The following TBCK variants were observed in gnomAD, a reference collection of about 807,000 sequenced individuals.
TBCK encodes the protein TBC1 domain containing kinase, also known as TBC domain-containing protein kinase-like protein.
A neutral mutation model predicts 113.4 loss-of-function variants in TBCK; 99 were observed. The observed-to-expected ratio is 0.87, with a 90% CI of 0.74 to 1.03. The LOEUF (loss-of-function observed/expected upper bound fraction) is 1.03, where lower values mean the gene tolerates loss of function less well. TBCK is among the 50% of genes least tolerant of loss of function. The probability of loss-of-function intolerance (pLI) is 0.00; values close to 1 mark genes in which losing one functional copy is unlikely to be tolerated. For missense variants in TBCK, 1,045 were observed against 1,061.3 expected (o/e 0.98, Z 0.21); for synonymous variants, 369 against 370.8 (o/e 1.00, Z 0.05).
rs11942161 is a variant in TBCK, at chr4:106,252,188, A to T, written c.456-181T>A. Among the ~76,000 whole-genome samples the T allele has an allele frequency of 1, 152,082 of 152,086 alleles. 76,039 individuals carry two copies. Among genetic ancestry groups the T allele is most frequent in the Non-Finnish European group, 1 (67,892 of 67,892 alleles). On this transcript the variant is annotated intron_variant, in intron 5 of 25. Transcript: ENST00000394708. ...AACTTTAATGTCAAGGAATCAAGAG[A>T]AAATATACACAAGTCTGAAATAGTT... is the stretch of plus-strand genomic sequence containing the variant.
rs1762569296 is a variant in TBCK, at chr4:106,262,168, A to C, written c.311T>G (p.Leu104Trp). 1 of 1,548,584 alleles carries C rather than the reference A, an allele frequency of 6.5e-7. No homozygotes were observed. Among genetic ancestry groups the C allele is most frequent in the South Asian group, 1.2e-5 (1 of 83,840 alleles). ...TATACCATGTTTGTTCATATACTGCAAGCCCTGAAGAACCTCAAATGCTAT... is the reference window on the plus strand; with the variant it reads ...TATACCATGTTTGTTCATATACTGCCAGCCCTGAAGAACCTCAAATGCTAT... ...LCIAFEVLQGLQYMNKHGIVH... is the reference protein window; with the variant it reads ...LCIAFEVLQGWQYMNKHGIVH... Residue 104 changes from leucine to tryptophan, a missense_variant, in exon 4 of 26, where the codon TTG becomes TGG. Physicochemically the swap from Leu to Trp is moderately conservative, Grantham distance 61. Transcript: ENST00000394708.
At chr4:106,148,828 A>T (rs910261675) in intron 23 of TBCK, among the ~76,000 whole-genome samples, 4 of 152,148 alleles carry the variant, frequency 2.6e-5, no homozygotes, top group African/African-American at 9.7e-5. Flanking sequence ...GAGTCAGCCT[A>T]TCTTTTGAAG....
intron 25 of TBCK, among the ~76,000 whole-genome samples, chr4:106,057,051 C>T (rs2149453984): frequency 6.6e-6 from 1 of 151,848 alleles, no homozygotes; most frequent in East Asian, 1.9e-4. Flanking sequence ...TGACCAGGTG[C>T]CTTGAATCAC....
Position 106,046,653 on chromosome 4 carries a change from A to G in TBCK, c.2599T>C (p.Tyr867His), listed in dbSNP as rs1168638718. The G allele has an allele frequency of 6.2e-7, 1 of 1,611,804 alleles. No individual in the cohort carries two copies. The highest frequency in any genetic ancestry group is 8.5e-7 in the Non-Finnish European group (1 of 1,178,496). ...CCATCTAGAATACAGATTCTTGGATATTTCATCTTCACAAGGTGAGCTGCA... is the reference window on the plus strand; with the variant it reads ...CCATCTAGAATACAGATTCTTGGATGTTTCATCTTCACAAGGTGAGCTGCA... ...EFAAHLVKMK[Y>H]PRICILDGGI... The change falls in exon 26 of 26, where the codon TAT becomes CAT. Residue 867 changes from tyrosine to histidine, a missense_variant. Transcript: ENST00000394708.
chr4:106,189,566 A>C (rs1187736054), intron 22 of TBCK, among the ~76,000 whole-genome samples: 2 of 152,096 alleles, frequency 1.3e-5, no homozygotes, highest in African/African-American at 4.8e-5. Flanking sequence ...CAGGGAGAAA[A>C]AATGATGGAT....
chr4:106,289,106 T>C (rs1170821157), intron 3 of TBCK, among the ~76,000 whole-genome samples: 1 of 152,238 alleles, frequency 6.6e-6, no homozygotes, highest in Non-Finnish European at 1.5e-5. Context: ...CTCCTGTCCA[T>C]GGACATTTGA....
intron 25 of TBCK, among the ~76,000 whole-genome samples, chr4:106,082,774 T>C (rs550653217): frequency 6.6e-6 from 1 of 152,192 alleles, no homozygotes; most frequent in African/African-American, 2.4e-5. Flanking sequence ...ATCCAGGTTC[T>C]CTCATCAAAA....
chr4:106,166,445 G>A (rs570909796), intron 23 of TBCK, among the ~76,000 whole-genome samples: 9 of 151,660 alleles, frequency 5.9e-5, no homozygotes, highest in Non-Finnish European at 1.2e-4. Context: ...GCAGACAGGA[G>A]AAATAAATAA....
rs1255772255 is a variant in TBCK, at chr4:106,258,846, A to C, written c.455+1591T>G. Among the ~76,000 whole-genome samples, 4 of 151,938 alleles carry C rather than the reference A, an allele frequency of 2.6e-5. No individual in the cohort carries two copies. In the East Asian group the frequency reaches 7.7e-4, roughly 29 times the overall value. ...ACTTATATTCAACTATAAGTTGAAT[A>C]AAAAACCCCTTTCATATTCGAAAGG... On this transcript the variant is annotated intron_variant, in intron 5 of 25. Coordinates refer to ENST00000394708, the MANE Select transcript of TBCK (RefSeq NM_001163435.3).
At chr4:106,128,423 G>C (rs115097430) in intron 23 of TBCK, among the ~76,000 whole-genome samples, 1 of 152,082 alleles carries the variant, frequency 6.6e-6, no homozygotes, top group Admixed American at 6.5e-5. Context: ...AGAATAATCC[G>C]AGGAAAATCC....
At chr4:106,290,907 G>A (rs1248926358) in intron 3 of TBCK, among the ~76,000 whole-genome samples, 3 of 152,186 alleles carry the variant, frequency 2.0e-5, no homozygotes, top group African/African-American at 7.2e-5. Flanking sequence ...AGAATCTAAC[G>A]CCTGATCATC....
At chr4:106,235,186 A>G in intron 15 of TBCK, 83 bp downstream of exon 15, 1 of 867,996 alleles carries the variant, frequency 1.2e-6, no homozygotes, top group Non-Finnish European at 1.6e-6. Flanking sequence ...ATAACTAGAA[A>G]AATATATATT....
chr4:106,137,022 A>G lies in TBCK; in HGVS notation c.2236-20644T>C, dbSNP rs922887528. Among the ~76,000 whole-genome samples, 12 of 141,212 alleles carry G rather than the reference A, an allele frequency of 8.5e-5. 1 individual carries two copies. Among genetic ancestry groups the G allele is most frequent in the Non-Finnish European group, 1.9e-4 (12 of 62,146 alleles). 92.6% of individuals were successfully genotyped at this position (141,212 alleles called of 152,430 possible). ...GTTGATTAGAAAAAAAGATATTAAC[A>G]GTGACAGATGGCAGATAAAGGGAAG... On this transcript the variant is annotated intron_variant, in intron 23 of 25. Coordinates refer to ENST00000394708, the MANE Select transcript of TBCK (RefSeq NM_001163435.3).
intron 23 of TBCK, among the ~76,000 whole-genome samples, chr4:106,152,353 T>C (rs1347636346): frequency 1.3e-5 from 2 of 152,102 alleles, no homozygotes; most frequent in African/African-American, 4.8e-5. Flanking sequence ...ATATGGTTTT[T>C]GTACCTTATT....
At chr4:106,261,581 A>T (rs960403695) in intron 4 of TBCK, among the ~76,000 whole-genome samples, 13 of 152,236 alleles carry the variant, frequency 8.5e-5, no homozygotes, top group Admixed American at 8.5e-4. Flanking sequence ...TGAAGGGTTT[A>T]CAAGCTTCTT....
At chr4:106,268,485 A>G (rs1763184615) in intron 3 of TBCK, among the ~76,000 whole-genome samples, 1 of 152,086 alleles carries the variant, frequency 6.6e-6, no homozygotes, top group Non-Finnish European at 1.5e-5. Flanking sequence ...CAATGGTACA[A>G]GGGGGAAAGA....
intron 2 of TBCK, among the ~76,000 whole-genome samples, chr4:106,304,924 AC>A (rs1767346879): frequency 6.6e-6 from 1 of 152,004 alleles, no homozygotes; most frequent in South Asian, 2.1e-4. Flanking sequence ...CAAATCCCAA[AC>A]CCCTCTTCCT....
intron 25 of TBCK, among the ~76,000 whole-genome samples, chr4:106,066,463 T>C (rs1276165784): frequency 1.3e-5 from 2 of 151,922 alleles, no homozygotes; most frequent in Non-Finnish European, 2.9e-5. Context: ...GATAAGCGGG[T>C]GATATTAGGG....
chr4:106,268,008 T>A (rs1763142917), intron 3 of TBCK, among the ~76,000 whole-genome samples: 1 of 151,972 alleles, frequency 6.6e-6, no homozygotes, highest in Non-Finnish European at 1.5e-5. Flanking sequence ...GCACAACCTA[T>A]ATTTACTTAA....
Sources: allele counts gnomAD v4.1 joint callset (sites outside exome capture counted in the v4.1 genomes callset), GRCh38; gene constraint gnomAD v4.1.1; transcripts MANE v1.5; gene names NCBI Gene and HGNC (gene_info 2026-07-23, HGNC 2026-07-21).